Variants in TOP2A observed in about 807,000 individuals in gnomAD.
The protein encoded by TOP2A is DNA topoisomerase II alpha, also known as DNA topoisomerase 2-alpha.
A neutral mutation model predicts 187.2 loss-of-function variants in TOP2A; 68 were observed. That is an observed-to-expected ratio of 0.36 (90% CI 0.30 to 0.44). The LOEUF (loss-of-function observed/expected upper bound fraction) is 0.44. TOP2A is among the 20% of genes least tolerant of loss of function. The pLI is 1.00. For missense variants in TOP2A, 1,196 were observed against 1,808.7 expected (o/e 0.66, Z 6.14); for synonymous variants, 542 against 593.2 (o/e 0.91, Z 1.25).
intron 10 of TOP2A, 134 bp downstream of exon 10, chr17:40,410,975 T>G: frequency 1.1e-6 from 1 of 930,456 alleles, no homozygotes; most frequent in South Asian, 1.9e-5. Flanking sequence ...GTAAAGCCCT[T>G]TTTTACTTCC....
intron 4 of TOP2A, among the ~76,000 whole-genome samples, chr17:40,414,583 G>T (rs1470503659): frequency 6.6e-6 from 1 of 152,078 alleles, no homozygotes; most frequent in East Asian, 1.9e-4. Context: ...AGTGGCTCAC[G>T]CCTGTAATCC....
rs537741957 is a variant in TOP2A at position 40,400,415 on chromosome 17, G to A, written c.2800-6C>T. ...AGAACTTGTTCTTTGTATGTCTAAA[G>A]AAAGAAATAATCCTGAAGTTTCTAA... On this transcript the variant is annotated splice_region_variant and splice_polypyrimidine_tract_variant and intron_variant, in intron 22 of 34. Transcript: ENST00000423485. 3.7e-6 allele frequency: 6 copies of A among 1,612,372 alleles called. No individual in the cohort carries two copies. In the Admixed American group the frequency reaches 6.7e-5, roughly 18 times the overall value.
intron 21 of TOP2A, 39 bp from the exon 22 acceptor site, chr17:40,400,702 G>A: frequency 1.3e-6 from 2 of 1,574,816 alleles, no homozygotes; most frequent in Non-Finnish European, 1.7e-6. Context: ...TTTTCTAAAT[G>A]TGATACTAGA....
rs1216494010 is a variant in TOP2A at position 40,395,546 on chromosome 17, G to A, written c.3721-7C>T. The A allele has an allele frequency of 6.3e-7, 1 of 1,581,686 alleles. No homozygotes were observed. The highest frequency in any genetic ancestry group is 8.7e-7 in the Non-Finnish European group (1 of 1,153,742). On this transcript the variant is annotated splice_polypyrimidine_tract_variant and splice_region_variant and intron_variant, in intron 28 of 34. Transcript: ENST00000423485. ...TTCCTTCAGTATTTTCATTCTAAAA[G>A]ATAGCAAAGTTAGGGTTGGATATAG... is the stretch of plus-strand genomic sequence containing the variant.
Position 40,411,555 on chromosome 17 carries a change from C to T in TOP2A, c.963+90G>A. 1.3e-6 allele frequency: 2 copies of T among 1,542,966 alleles called. No individual in the cohort carries two copies. Among genetic ancestry groups the T allele is most frequent in the Non-Finnish European group, 1.8e-6 (2 of 1,119,180 alleles). ...TAACCTCCTTTATACTAAGCTAGCC[C>T]AATATTCAAGTCCACTTTATATATT... is the stretch of plus-strand genomic sequence containing the variant. On this transcript the variant is annotated intron_variant, in intron 8 of 34. Transcript: ENST00000423485. The surrounding 1 kb of genome is among the most constrained non-coding windows in gnomAD (Gnocchi z 4.4).
chr17:40,397,823 G>C (rs2035121061), intron 27 of TOP2A, among the ~76,000 whole-genome samples: 1 of 148,564 alleles, frequency 6.7e-6, no homozygotes, highest in Non-Finnish European at 1.5e-5. Context: ...TTGTTGCCCA[G>C]GCTGGAGTGC....
intron 20 of TOP2A, 79 bp from the exon 21 acceptor site, chr17:40,401,160 T>A: frequency 1.6e-6 from 2 of 1,221,082 alleles, no homozygotes; most frequent in Non-Finnish European, 2.3e-6. Context: ...GGACATGTAT[T>A]ATACATGAAA....
Position 40,400,033 on chromosome 17 carries a change from TA to T in TOP2A, c.3034del (p.Tyr1012MetfsTer8). On this transcript the variant is annotated frameshift_variant, in exon 24 of 35. Coordinates refer to ENST00000423485, the MANE Select transcript of TOP2A (RefSeq NM_001067.4). LOFTEE classifies it high-confidence loss of function. ...LFDHVGCLKK[Y>X]DTVLDILRDF... is the part of the protein sequence containing the mutation. ...TCTTAGAATATCCAACACCGTGTCA[TA>T]TTTCTTTAAACAGCCTACGTGGTCA... The T allele has an allele frequency of 6.2e-7, 1 of 1,611,404 alleles. No individual in the cohort carries two copies. Among genetic ancestry groups the T allele is most frequent in the East Asian group, 2.2e-5 (1 of 44,852 alleles).
intron 10 of TOP2A, 35 bp from the exon 11 acceptor site, chr17:40,408,665 TAGG>T: frequency 6.2e-7 from 1 of 1,606,746 alleles, no homozygotes; most frequent in Non-Finnish European, 8.5e-7. Context: ...GGGATCATAT[TAGG>T]GAAGAAGGGA....
chr17:40,396,443 T>A lies in TOP2A; in HGVS notation c.3560A>T (p.Gln1187Leu). 1.2e-6 allele frequency: 2 copies of A among 1,613,942 alleles called. No individual in the cohort carries two copies. Among genetic ancestry groups the A allele is most frequent in the Non-Finnish European group, 8.5e-7 (1 of 1,179,838 alleles). The change falls in exon 28 of 35, where the codon CAA (glutamine) becomes CTA (leucine). Residue 1187 changes from glutamine (Q) to leucine (L), a missense_variant. Coordinates refer to ENST00000423485, the MANE Select transcript of TOP2A (RefSeq NM_001067.4). The part of the protein sequence containing the change: ...ELEAVEAKEK[Q>L]DEQVGLPGKG... Reference sequence around the variant, plus strand: ...CCCAGGAAGTCCGACTTGTTCATCTTGTTTTTCCTTGGCTTCAACAGCCTA... The same window carrying A: ...CCCAGGAAGTCCGACTTGTTCATCTAGTTTTTCCTTGGCTTCAACAGCCTA...
intron 12 of TOP2A, 54 bp from the exon 13 acceptor site, chr17:40,407,728 A>G (rs1598616451): frequency 1.3e-6 from 2 of 1,488,900 alleles, no homozygotes. Flanking sequence ...AAAAGAACAA[A>G]GAAATTTAAC....
At chr17:40,402,042 A>G (rs1320010745) in intron 20 of TOP2A, among the ~76,000 whole-genome samples, 1 of 152,190 alleles carries the variant, frequency 6.6e-6, no homozygotes, top group Non-Finnish European at 1.5e-5. Context: ...GATATGTTAC[A>G]ATAGTTTAGA....
At chr17:40,403,133 G>C (rs1183387637) in intron 19 of TOP2A, 79 bp from the exon 20 acceptor site, 5 of 1,324,748 alleles carry the variant, frequency 3.8e-6, no homozygotes, top group South Asian at 1.6e-5. Context: ...CTATAATCCT[G>C]TAACATTTTG....
chr17:40,392,770 A>G (rs763154083), intron 29 of TOP2A, 33 bp from the exon 30 acceptor site: 21 of 1,538,646 alleles, frequency 1.4e-5, no homozygotes, highest in Non-Finnish European at 1.8e-5. Flanking sequence ...TCACCTTTAT[A>G]TATTAGACCC....
In TOP2A at chr17:40,400,515, C is replaced by G. The variant is rs2035164792; in HGVS notation, c.2799+14G>C. 1.9e-6 allele frequency: 3 copies of G among 1,603,510 alleles called. No homozygotes were observed. Among genetic ancestry groups the G allele is most frequent in the Non-Finnish European group, 2.5e-6 (3 of 1,176,508 alleles). On this transcript the variant is annotated intron_variant, in intron 22 of 34. Transcript: ENST00000423485. ...TTGATCACAAACCTAAAAAAGAAAT[C>G]CATAATTATTTACCTGGGTCCATGT...
intron 33 of TOP2A, among the ~76,000 whole-genome samples, chr17:40,390,624 ATTT>A (rs202246173): frequency 6.2e-5 from 8 of 129,776 alleles, no homozygotes; most frequent in Admixed American, 7.9e-5. Context: ...TAAACATTCT[ATTT>A]TTTTTTTTTT....
At chr17:40,397,400 C>T (rs1270785745) in intron 27 of TOP2A, among the ~76,000 whole-genome samples, 1 of 151,464 alleles carries the variant, frequency 6.6e-6, no homozygotes, top group Non-Finnish European at 1.5e-5. Context: ...ATTTTCTTGC[C>T]TCAACCTCCT....
At chr17:40,405,462 T>TG (rs1015742588) in intron 16 of TOP2A, among the ~76,000 whole-genome samples, 4 of 148,246 alleles carry the variant, frequency 2.7e-5, no homozygotes, top group African/African-American at 7.4e-5. Context: ...TTTTTGTTTT[T>TG]TTTTTTTTTT....
chr17:40,407,026 GGCCGAGGCAGGCGGATC>G (rs2035255966), intron 13 of TOP2A, 84 bp from the exon 14 acceptor site: 1 of 1,089,258 alleles, frequency 9.2e-7, no homozygotes, highest in African/African-American at 1.6e-5. Context: ...AACTTTGGGA[GGCCGAGGCAGGCGGATC>G]GCCTGAGGTC....
Sources: allele counts gnomAD v4.1 joint callset (sites outside exome capture counted in the v4.1 genomes callset), GRCh38; gene constraint gnomAD v4.1.1; non-coding constraint Gnocchi (gnomAD v3.1); transcripts MANE v1.5; gene names NCBI Gene and HGNC (gene_info 2026-07-23, HGNC 2026-07-21).